Variants in RETREG1 observed in about 807,000 individuals in gnomAD.
RETREG1 encodes the protein family with sequence similarity 134 member B.
Under a neutral mutation model 54.8 loss-of-function variants are expected in RETREG1, and 44 were observed. The observed-to-expected ratio is 0.80, with a 90% CI of 0.63 to 1.03. The LOEUF is 1.03. Among genes scored for constraint, RETREG1 ranks in the 50% least tolerant of loss-of-function variants. RETREG1 has a pLI of 0.00. For missense variants in RETREG1, 554 were observed against 605.1 expected (o/e 0.92, Z 0.89); for synonymous variants, 217 against 238.5 (o/e 0.91, Z 0.83).
chr5:16,575,506 C>A (rs1442346613), intron 1 of RETREG1, among the ~76,000 whole-genome samples: 4 of 152,210 alleles, frequency 2.6e-5, no homozygotes, highest in Admixed American at 2.0e-4. Flanking sequence ...ATTAGTTATT[C>A]TCTTAGTGGA....
At chr5:16,530,202 T>C (rs1285174729) in intron 3 of RETREG1, among the ~76,000 whole-genome samples, 1 of 152,216 alleles carries the variant, frequency 6.6e-6, no homozygotes, top group African/African-American at 2.4e-5. Context: ...ATTGTAACTC[T>C]TTGCCTGAAG....
chr5:16,565,800 C>T lies in RETREG1; in HGVS notation c.428-7G>A, dbSNP rs777349476. On this transcript the variant is annotated splice_region_variant and splice_polypyrimidine_tract_variant and intron_variant, in intron 2 of 8. Coordinates refer to ENST00000306320, the MANE Select transcript of RETREG1 (RefSeq NM_001034850.3). ...CTTCTCCACAACTGTGCACCTGCAA[C>T]AGGGAGAAGCAAAATGTGAAACTTA... 14 of 1,613,416 alleles carry T rather than the reference C, an allele frequency of 8.7e-6. No homozygotes were observed. In the Admixed American group the frequency reaches 1.0e-4, roughly 12 times the overall value.
chr5:16,598,086 C>G (rs1303335522), intron 1 of RETREG1, among the ~76,000 whole-genome samples: 1 of 152,048 alleles, frequency 6.6e-6, no homozygotes, highest in East Asian at 1.9e-4. Flanking sequence ...CCCGACCACA[C>G]GGAACTCTGT....
chr5:16,568,994 C>T (rs537004512), intron 2 of RETREG1, among the ~76,000 whole-genome samples: 69 of 152,196 alleles, frequency 4.5e-4, no homozygotes, highest in Middle Eastern at 3.4e-3. Flanking sequence ...TGCTATAAGC[C>T]GGGGCATCTA....
At chr5:16,540,870 C>T (rs1170934488) in intron 3 of RETREG1, among the ~76,000 whole-genome samples, 3 of 152,136 alleles carry the variant, frequency 2.0e-5, no homozygotes, top group Non-Finnish European at 4.4e-5. Context: ...TCTATGTTAA[C>T]CATGGGGACC....
chr5:16,553,468 T>C (rs1327070697), intron 3 of RETREG1, among the ~76,000 whole-genome samples: 3 of 152,056 alleles, frequency 2.0e-5, no homozygotes, highest in South Asian at 2.1e-4. Context: ...TATATACATG[T>C]TTATATTTTG....
At chr5:16,558,273 A>G (rs554325865) in intron 3 of RETREG1, among the ~76,000 whole-genome samples, 2 of 152,066 alleles carry the variant, frequency 1.3e-5, no homozygotes, top group South Asian at 2.1e-4. Context: ...AAAAAAATAA[A>G]ACAAACAACA....
At chr5:16,520,151 A>T (rs976422204) in intron 3 of RETREG1, among the ~76,000 whole-genome samples, 2 of 152,134 alleles carry the variant, frequency 1.3e-5, no homozygotes, top group African/African-American at 4.8e-5. Flanking sequence ...CAGGACATGG[A>T]CTTGCAAAAG....
In RETREG1 at chr5:16,506,652, C is replaced by T. The variant is rs377102336; in HGVS notation, c.459-23180G>A. On this transcript the variant is annotated intron_variant, in intron 3 of 8. Coordinates refer to ENST00000306320, the MANE Select transcript of RETREG1 (RefSeq NM_001034850.3). ...CCTCCTGCCTTGGCCTTCCAAAGTG[C>T]TGGGATTACAGGTGTGAGCCACGGC... is the stretch of plus-strand genomic sequence containing the variant. 2.6e-5 allele frequency among the ~76,000 whole-genome samples: 4 copies of T among 152,040 alleles called. No individual in the cohort carries two copies. In the South Asian group the frequency reaches 8.3e-4, roughly 32 times the overall value.
At chr5:16,496,261 G>A (rs1739452467) in intron 3 of RETREG1, among the ~76,000 whole-genome samples, 1 of 152,156 alleles carries the variant, frequency 6.6e-6, no homozygotes, top group Admixed American at 6.5e-5. Flanking sequence ...CTAAACAAGA[G>A]AGCAGTTCAT....
At chr5:16,563,187 A>G (rs116612264) in intron 3 of RETREG1, among the ~76,000 whole-genome samples, 1 of 152,322 alleles carries the variant, frequency 6.6e-6, no homozygotes, top group Non-Finnish European at 1.5e-5. Flanking sequence ...TTTGTCTTAG[A>G]GCTTTAGTTA....
chr5:16,586,165 G>A (rs543654435), intron 1 of RETREG1, among the ~76,000 whole-genome samples: 17 of 152,312 alleles, frequency 1.1e-4, no homozygotes, highest in South Asian at 4.1e-4. Context: ...CAGGAGGTAC[G>A]GAGAAGAAAG....
chr5:16,483,488 GA>G lies in RETREG1; in HGVS notation c.459-17del. ...AACTTCCCAGCTAAAGAGACAAAAA[GA>G]AAAAAAATACTACTGAACTTTGGAT... On this transcript the variant is annotated splice_polypyrimidine_tract_variant and intron_variant, in intron 3 of 8. Coordinates refer to ENST00000306320, the MANE Select transcript of RETREG1 (RefSeq NM_001034850.3). 4 of 1,611,078 alleles carry G rather than the reference GA, an allele frequency of 2.5e-6. No individual in the cohort carries two copies. The highest frequency in any genetic ancestry group is 2.5e-6 in the Non-Finnish European group (3 of 1,178,318).
At position 16,585,575 on chromosome 5, in the gene RETREG1, G is replaced by A. The variant is rs954014478; in HGVS notation, c.321-13473C>T. Among the ~76,000 whole-genome samples, 2 of 152,180 alleles carry A rather than the reference G, an allele frequency of 1.3e-5. No homozygotes were observed. Among genetic ancestry groups the A allele is most frequent in the African/African-American group, 2.4e-5 (1 of 41,462 alleles). Reference sequence around the variant, plus strand: ...AGGGAAGGGGACTTCGAGGCAGGGCGGGTGAGTCAAGTTCTGCAGCCCACT... The same window carrying A: ...AGGGAAGGGGACTTCGAGGCAGGGCAGGTGAGTCAAGTTCTGCAGCCCACT... On this transcript the variant is annotated intron_variant, in intron 1 of 8. Coordinates refer to ENST00000306320, the MANE Select transcript of RETREG1 (RefSeq NM_001034850.3). This position sits in a 1 kb window ranked among gnomAD's most constrained non-coding sequence, Gnocchi z 4.5.
At chr5:16,554,658 C>A (rs1741636715) in intron 3 of RETREG1, among the ~76,000 whole-genome samples, 1 of 152,174 alleles carries the variant, frequency 6.6e-6, no homozygotes, top group Admixed American at 6.5e-5. Flanking sequence ...TGCGCATATA[C>A]CTCACTGCGC....
At chr5:16,520,918 G>A (rs1368154550) in intron 3 of RETREG1, among the ~76,000 whole-genome samples, 4 of 152,102 alleles carry the variant, frequency 2.6e-5, no homozygotes, top group Non-Finnish European at 5.9e-5. Flanking sequence ...GAAACACGGA[G>A]AGGGACAGGG....
chr5:16,587,942 A>T (rs762135297), intron 1 of RETREG1, among the ~76,000 whole-genome samples: 1 of 152,120 alleles, frequency 6.6e-6, no homozygotes, highest in African/African-American at 2.4e-5. Context: ...ACACCCTAAT[A>T]ACCCACTGTT....
At chr5:16,499,464 G>A (rs1473736602) in intron 3 of RETREG1, among the ~76,000 whole-genome samples, 1 of 152,184 alleles carries the variant, frequency 6.6e-6, no homozygotes, top group Non-Finnish European at 1.5e-5. Flanking sequence ...CTTACCTTAT[G>A]TAAAATAGAG....
intron 3 of RETREG1, among the ~76,000 whole-genome samples, chr5:16,487,636 A>G (rs964837485): frequency 9.2e-5 from 14 of 152,244 alleles, no homozygotes; most frequent in Non-Finnish European, 1.9e-4. Context: ...TTTCCTTCTT[A>G]CGGAAAAACT....
Sources: allele counts gnomAD v4.1 joint callset (sites outside exome capture counted in the v4.1 genomes callset), GRCh38; gene constraint gnomAD v4.1.1; non-coding constraint Gnocchi (gnomAD v3.1); transcripts MANE v1.5; gene names NCBI Gene and HGNC (gene_info 2026-07-23, HGNC 2026-07-21).